Variants in AFTPH observed in about 807,000 individuals in gnomAD.
AFTPH encodes the protein aftiphilin, also known as aftiphilin protein.
AFTPH carries 7 observed loss-of-function variants against 72.5 expected under a neutral mutation model. The ratio of observed to expected loss-of-function variants is 0.10; its 90% confidence interval spans 0.05 to 0.18. AFTPH has a LOEUF of 0.18. Among genes scored for constraint, AFTPH ranks in the 10% least tolerant of loss-of-function variants. The probability of loss-of-function intolerance (pLI) is 1.00; values close to 1 mark genes in which losing one functional copy is unlikely to be tolerated. For missense variants in AFTPH, 979 were observed against 1,060.5 expected, an observed-to-expected ratio of 0.92 and a Z score of 1.07; for synonymous variants, 337 against 370.1, an observed-to-expected ratio of 0.91 and a Z score of 1.03.
chr2:64,524,366 C>A, exon 1 of AFTPH: 1 of 402,236 alleles, frequency 2.5e-6, no homozygotes, highest in East Asian at 3.6e-5. Context: ...GGCGGGGGGT[C>A]TCCGCGGAGG....
intron 1 of AFTPH, among the ~76,000 whole-genome samples, chr2:64,529,837 C>T (rs899066661): frequency 2.0e-5 from 3 of 151,898 alleles, no homozygotes; most frequent in African/African-American, 7.3e-5. Context: ...TGTTATGTTG[C>T]CCAGGCTGGA....
At chr2:64,588,488 T>G (rs571165599) in intron 8 of AFTPH, among the ~76,000 whole-genome samples, 1 of 152,216 alleles carries the variant, frequency 6.6e-6, no homozygotes, top group African/African-American at 2.4e-5. Flanking sequence ...CTAACTTCTT[T>G]GGGGAACTGC....
intron 2 of AFTPH, among the ~76,000 whole-genome samples, chr2:64,561,321 T>C (rs1671729494): frequency 6.6e-6 from 1 of 152,212 alleles, no homozygotes; most frequent in African/African-American, 2.4e-5. Flanking sequence ...TTATTCCATA[T>C]TCAAGGGAAA....
intron 6 of AFTPH, 100 bp from the exon 7 acceptor site, chr2:64,579,386 T>C: frequency 1.2e-6 from 1 of 836,634 alleles, no homozygotes; most frequent in Non-Finnish European, 1.9e-6. Context: ...TTTAGGTACT[T>C]TGTTGCCTAA....
At position 64,570,051 on chromosome 2, in the gene AFTPH, A is replaced by G. The variant is rs149395708; in HGVS notation, c.2271+372A>G. ...AATCCAGTTATTAATTTTAAATGCA[A>G]TATTGAGGCTATAGATGTACATAAA... On this transcript the variant is annotated intron_variant, in intron 5 of 8. Transcript: ENST00000238856. Among the ~76,000 whole-genome samples the G allele has an allele frequency of 2.0e-3, 306 of 152,340 alleles. 4 individuals are homozygous for G. Among genetic ancestry groups the G allele is most frequent in the African/African-American group, 6.8e-3 (282 of 41,588 alleles).
At chr2:64,565,491 AAAG>A (rs1672023227) in intron 2 of AFTPH, among the ~76,000 whole-genome samples, 1 of 151,524 alleles carries the variant, frequency 6.6e-6, no homozygotes, top group Non-Finnish European at 1.5e-5. Context: ...AAAAAAAAAA[AAAG>A]CCTTTGTTCA....
intron 6 of AFTPH, among the ~76,000 whole-genome samples, chr2:64,573,803 G>A (rs1426331134): frequency 6.6e-6 from 1 of 152,066 alleles, no homozygotes. Flanking sequence ...GACTACAGGT[G>A]TGTGCCAACG....
At chr2:64,564,860 C>A (rs1348022917) in intron 2 of AFTPH, among the ~76,000 whole-genome samples, 1 of 147,988 alleles carries the variant, frequency 6.8e-6, no homozygotes, top group Non-Finnish European at 1.5e-5. Context: ...TTTTTTAAGA[C>A]CAAGTCTTGC....
At chr2:64,547,071 A>G (rs1670686250) in intron 1 of AFTPH, among the ~76,000 whole-genome samples, 1 of 152,060 alleles carries the variant, frequency 6.6e-6, no homozygotes, top group African/African-American at 2.4e-5. Context: ...ACATACATAC[A>G]TACATACTAC....
chr2:64,570,100 T>C (rs1457457207), intron 5 of AFTPH, among the ~76,000 whole-genome samples: 1 of 152,184 alleles, frequency 6.6e-6, no homozygotes, highest in African/African-American at 2.4e-5. Flanking sequence ...CAAATTATAA[T>C]GAAATGAAAA....
At chr2:64,527,083 A>G (rs1033183266) in intron 1 of AFTPH, among the ~76,000 whole-genome samples, 70 of 152,222 alleles carry the variant, frequency 4.6e-4, no homozygotes, top group African/African-American at 1.6e-3. Context: ...AAGTCAGACT[A>G]AAAGTGACCT....
intron 7 of AFTPH, among the ~76,000 whole-genome samples, chr2:64,582,182 C>T (rs942015037): frequency 1.3e-5 from 2 of 152,206 alleles, no homozygotes; most frequent in African/African-American, 4.8e-5. Context: ...GTGAGAGTCC[C>T]TTTCTGTCCC....
chr2:64,555,430 G>A (rs968954251), intron 2 of AFTPH, among the ~76,000 whole-genome samples: 11 of 152,030 alleles, frequency 7.2e-5, no homozygotes, highest in Middle Eastern at 3.4e-3. Context: ...GCGTGGTGAC[G>A]TGCATCTGTA....
At chr2:64,582,830 C>G (rs1271323991) in intron 7 of AFTPH, among the ~76,000 whole-genome samples, 1 of 152,042 alleles carries the variant, frequency 6.6e-6, no homozygotes, top group African/African-American at 2.4e-5. Context: ...ATTTAAAAAC[C>G]ATTCATAGGA....
chr2:64,569,753 T>C, intron 5 of AFTPH, 74 bp downstream of exon 5: 1 of 1,362,468 alleles, frequency 7.3e-7, no homozygotes, highest in Non-Finnish European at 1.0e-6. Flanking sequence ...AAAATACACT[T>C]CTATGTCATG....
chr2:64,528,443 T>C (rs929439404), intron 1 of AFTPH, among the ~76,000 whole-genome samples: 6 of 152,236 alleles, frequency 3.9e-5, no homozygotes, highest in African/African-American at 1.4e-4. Flanking sequence ...TTTGTGTACA[T>C]ATTTGGGACA....
intron 1 of AFTPH, 31 bp downstream of exon 1, chr2:64,524,643 C>T (rs1669134051): frequency 7.6e-6 from 3 of 396,834 alleles, no homozygotes; most frequent in African/African-American, 4.1e-5. Context: ...CCCCTAGCTG[C>T]GCCGGGGAAA....
intron 2 of AFTPH, among the ~76,000 whole-genome samples, chr2:64,563,857 C>T (rs570830937): frequency 3.3e-5 from 5 of 152,216 alleles, no homozygotes; most frequent in South Asian, 2.1e-4. Flanking sequence ...CTGCCTGCCT[C>T]GGCCTCCCAA....
intron 2 of AFTPH, among the ~76,000 whole-genome samples, chr2:64,554,438 ACT>A (rs1437631857): frequency 6.6e-6 from 1 of 152,232 alleles, no homozygotes; most frequent in Non-Finnish European, 1.5e-5. Flanking sequence ...TTTTAAATAT[ACT>A]GTTAATAAAC....
Sources: gnomAD v4.1 joint callset for allele counts (sites outside exome capture counted in the v4.1 genomes callset) on GRCh38, gnomAD v4.1.1 for gene constraint, MANE v1.5 for transcripts, NCBI Gene and HGNC (gene_info 2026-07-23, HGNC 2026-07-21) for gene names.